Variants in CNOT9 observed in about 807,000 individuals in gnomAD.
CNOT9 encodes RCD1 required for cell differentiation1 homolog.
CNOT9 carries 8 observed loss-of-function variants against 37.4 expected under a neutral mutation model. The ratio of observed to expected loss-of-function variants is 0.21; its 90% CI spans 0.13 to 0.39. CNOT9 has a LOEUF of 0.39. CNOT9 is among the 10% of genes least tolerant of loss of function. The pLI, the probability that CNOT9 is intolerant of heterozygous loss-of-function variation, is 1.00. For missense variants in CNOT9, 154 were observed against 365.3 expected (o/e 0.42, Z 4.71); for synonymous variants, 120 against 137.6 (o/e 0.87, Z 0.90).
intron 1 of CNOT9, among the ~76,000 whole-genome samples, chr2:218,573,318 T>TA (rs34596336): frequency 1.0e-3 from 134 of 132,850 alleles, no homozygotes; most frequent in East Asian, 1.1e-3. Flanking sequence ...AACTCCATCT[T>TA]AAAAAAAAAA....
intron 2 of CNOT9, among the ~76,000 whole-genome samples, chr2:218,581,900 G>A (rs1694397171): frequency 6.6e-6 from 1 of 151,830 alleles, no homozygotes; most frequent in Non-Finnish European, 1.5e-5. Context: ...TGGGCAACAT[G>A]GCGAAACACC....
chr2:218,575,978 G>T (rs891333669), intron 1 of CNOT9, among the ~76,000 whole-genome samples: 1 of 152,172 alleles, frequency 6.6e-6, no homozygotes, highest in Non-Finnish European at 1.5e-5. Flanking sequence ...GGCATGAGGA[G>T]TAAATCTGCC....
At chr2:218,584,833 T>G in intron 4 of CNOT9, 112 bp downstream of exon 4, 1 of 778,588 alleles carries the variant, frequency 1.3e-6, no homozygotes, top group Admixed American at 1.9e-5. Flanking sequence ...ATTTTTGTCT[T>G]TGAGGTTGTC....
chr2:218,595,404 C>CTTTTTTTTTTTTTTTTTTTTTTTTT lies in CNOT9; in HGVS notation c.*1132_*1156dup, dbSNP rs57839540. On this transcript the variant is annotated 3_prime_UTR_variant, in exon 8 of 8. Coordinates refer to ENST00000273064, the MANE Select transcript of CNOT9 (RefSeq NM_005444.3). ...GAGGGCTGGGTTCTGCTCACTCAGTCTTTTTTTTTTTTTTTTTTTTTTTTT... is the reference window on the plus strand; with the variant it reads ...GAGGGCTGGGTTCTGCTCACTCAGTCTTTTTTTTTTTTTTTTTTTTTTTTTTTTTTTTTTTTTTTTTTTTTTTTTT... The CTTTTTTTTTTTTTTTTTTTTTTTTT allele has an allele frequency of 4.3e-4, 22 of 50,942 alleles. 3 individuals are homozygous for CTTTTTTTTTTTTTTTTTTTTTTTTT. The highest frequency in any genetic ancestry group is 1.8e-3 in the Admixed American group (5 of 2,762). 3.2% of individuals were successfully genotyped at this position (50,942 alleles called of 1,614,324 possible). A position where few individuals can be genotyped will look rare whatever the true frequency, so the allele number is the denominator to read the frequency against.
intron 1 of CNOT9, among the ~76,000 whole-genome samples, chr2:218,577,746 T>C (rs1006081315): frequency 6.6e-6 from 1 of 152,162 alleles, no homozygotes; most frequent in African/African-American, 2.4e-5. Flanking sequence ...AGTCACACAC[T>C]GGCTCCAGTA....
At chr2:218,580,209 C>T (rs942045628) in intron 1 of CNOT9, among the ~76,000 whole-genome samples, 3 of 151,816 alleles carry the variant, frequency 2.0e-5, no homozygotes, top group Non-Finnish European at 2.9e-5. Context: ...CCTCAAGTGA[C>T]CCACCCAACA....
In CNOT9 at chr2:218,585,675, G is replaced by A. The variant is rs576081943; in HGVS notation, c.430+954G>A. ...TTTTTTTGAGACAAGGTCTTGCTCT[G>A]TTGCCCACTCTTGAGTGCAGTGGCA... On this transcript the variant is annotated intron_variant, in intron 4 of 7. Transcript: ENST00000273064. Among the ~76,000 whole-genome samples, 54 of 143,264 alleles carry A rather than the reference G, an allele frequency of 3.8e-4. No individual in the cohort carries two copies. The South Asian group carries it at 9.0e-3, about 24-fold the overall frequency. 94.0% of individuals were successfully genotyped at this position (143,264 alleles called of 152,430 possible).
intron 4 of CNOT9, among the ~76,000 whole-genome samples, chr2:218,586,921 A>G (rs1221353701): frequency 6.6e-6 from 1 of 152,224 alleles, no homozygotes; most frequent in East Asian, 1.9e-4. Context: ...AGCCAAAGGA[A>G]CTAGAATATC....
At chr2:218,581,236 C>T in intron 2 of CNOT9, 1 of 215,606 alleles carries the variant, frequency 4.6e-6, no homozygotes, top group Non-Finnish European at 9.8e-6. Flanking sequence ...TGGTGCAATC[C>T]CGGCTCACTG....
At chr2:218,580,029 C>T (rs1348417808) in intron 1 of CNOT9, among the ~76,000 whole-genome samples, 5 of 145,714 alleles carry the variant, frequency 3.4e-5, no homozygotes, top group African/African-American at 7.7e-5. Context: ...AGTGCAGTGG[C>T]GCTATCTCGG....
Position 218,592,113 on chromosome 2 carries a change from C to G in CNOT9, c.541-191C>G, listed in dbSNP as rs1392295235. Among the ~76,000 whole-genome samples the G allele has an allele frequency of 1.3e-5, 2 of 151,974 alleles. No individual in the cohort carries two copies. The highest frequency in any genetic ancestry group is 3.8e-4 in the East Asian group (2 of 5,204). The stretch of plus-strand genomic sequence containing the variant: ...AAGCCTCTAGAAAAAAAAACTGGTA[C>G]AAAGTAATGTTCAACATGGTAATAT... On this transcript the variant is annotated intron_variant, in intron 5 of 7. Transcript: ENST00000273064. The surrounding 1 kb of genome is among the most constrained non-coding windows in gnomAD (Gnocchi z 4.1).
At chr2:218,593,633 C>G in intron 7 of CNOT9, 1 of 1,409,940 alleles carries the variant, frequency 7.1e-7, no homozygotes, top group Admixed American at 2.6e-5. Flanking sequence ...CTGCTCATCT[C>G]TTATTAAGGT....
At chr2:218,581,045 T>C in intron 2 of CNOT9, 1 of 515,542 alleles carries the variant, frequency 1.9e-6, no homozygotes, top group Non-Finnish European at 3.8e-6. Flanking sequence ...AACACCGCTT[T>C]AGGAGTACTG....
At chr2:218,585,646 T>TTA (rs1553564929) in intron 4 of CNOT9, among the ~76,000 whole-genome samples, 4 of 147,684 alleles carry the variant, frequency 2.7e-5, no homozygotes, top group South Asian at 2.1e-4. Context: ...TTATTTTTTT[T>TTA]TTTTTTTTTT....
intron 1 of CNOT9, among the ~76,000 whole-genome samples, chr2:218,575,451 G>A (rs545205629): frequency 1.1e-4 from 16 of 149,900 alleles, no homozygotes; most frequent in Non-Finnish European, 1.6e-4. Flanking sequence ...AGTGGCTCAG[G>A]CTGGAGTACA....
chr2:218,573,728 A>G (rs1193947208), intron 1 of CNOT9: 1 of 154,480 alleles, frequency 6.5e-6, no homozygotes, highest in African/African-American at 2.4e-5. Flanking sequence ...CAGAAATAGA[A>G]GACCAACTTA....
intron 1 of CNOT9, among the ~76,000 whole-genome samples, chr2:218,575,335 G>A (rs1014238324): frequency 3.4e-5 from 5 of 148,738 alleles, no homozygotes; most frequent in African/African-American, 4.9e-5. Context: ...TTTTGCAGTT[G>A]TGTATTTTTC....
At chr2:218,580,524 A>G (rs754379237) in intron 1 of CNOT9, 37 bp from the exon 2 acceptor site, 2 of 1,553,432 alleles carry the variant, frequency 1.3e-6, no homozygotes, top group Non-Finnish European at 1.7e-6. Flanking sequence ...GTTTGACTCT[A>G]ATAAACTGAT....
Position 218,587,588 on chromosome 2 carries a change from GC to G in CNOT9, c.436del (p.Leu146TrpfsTer2). ...TTGTTTGTCCTTATTTTCTTTAGGG[GC>G]CCTGGTGAAAACAGATGAACAAGAA... ...LRLTSLGVIG[A>X]LVKTDEQEVI... On this transcript the variant is annotated frameshift_variant, in exon 5 of 8. Transcript: ENST00000273064. LOFTEE classifies it high-confidence loss of function. 1 of 1,582,840 alleles carries G rather than the reference GC, an allele frequency of 6.3e-7. No homozygotes were observed. The highest frequency in any genetic ancestry group is 1.2e-5 in the South Asian group (1 of 84,860).
Sources: gnomAD v4.1 joint callset for allele counts (sites outside exome capture counted in the v4.1 genomes callset) on GRCh38, gnomAD v4.1.1 for gene constraint, Gnocchi (gnomAD v3.1) non-coding constraint, MANE v1.5 for transcripts, NCBI Gene and HGNC (gene_info 2026-07-23, HGNC 2026-07-21) for gene names.